Variants in GAK observed in about 807,000 individuals in gnomAD.
GAK encodes the protein cyclin-G-associated kinase.
A neutral mutation model predicts 143.9 loss-of-function variants in GAK; 79 were observed. The ratio of observed to expected loss-of-function variants is 0.55; its 90% CI spans 0.46 to 0.66. GAK has a LOEUF of 0.66. Ranked by LOEUF, GAK falls within the 30% of genes least tolerant of loss-of-function variation. The pLI is 0.00. For synonymous variants in GAK, 881 were observed against 765.5 expected, an observed-to-expected ratio of 1.15 and a Z score of -2.49; for missense variants, 1,693 against 1,779.7, an observed-to-expected ratio of 0.95 and a Z score of 0.88.
intron 1 of GAK, among the ~76,000 whole-genome samples, chr4:919,569 G>T (rs1362182722): frequency 5.3e-5 from 8 of 152,178 alleles, no homozygotes; most frequent in Non-Finnish European, 1.2e-4. Context: ...CACACCACAG[G>T]CCTGGAAGGG....
intron 4 of GAK, among the ~76,000 whole-genome samples, chr4:907,204 C>T (rs1721235579): frequency 6.6e-6 from 1 of 152,190 alleles, no homozygotes; most frequent in Non-Finnish European, 1.5e-5. Context: ...GACCCACCTG[C>T]GTGTCCCCAG....
rs755769932 is a variant in GAK, at chr4:870,927, C to T, written c.2055-23G>A. The stretch of plus-strand genomic sequence containing the variant: ...TACCTGCGGTTACAAGTAGACACCA[C>T]TTAGGAAGGCCACCCAAGTAGTCTG... On this transcript the variant is annotated intron_variant, in intron 18 of 27. Coordinates refer to ENST00000314167, the MANE Select transcript of GAK (RefSeq NM_005255.4). The T allele has an allele frequency of 7.9e-5, 125 of 1,587,688 alleles. 2 individuals are homozygous for T. The South Asian group carries it at 1.3e-3, about 16-fold the overall frequency.
chr4:929,003 C>T (rs1230601984), intron 1 of GAK, among the ~76,000 whole-genome samples: 1 of 152,204 alleles, frequency 6.6e-6, no homozygotes, highest in Non-Finnish European at 1.5e-5. Flanking sequence ...CTCAGGTAAT[C>T]CACCCGCCTC....
At chr4:875,682 G>GA (rs1713701142) in intron 18 of GAK, among the ~76,000 whole-genome samples, 1 of 152,242 alleles carries the variant, frequency 6.6e-6, no homozygotes, top group Non-Finnish European at 1.5e-5. Flanking sequence ...TGATTGAGTA[G>GA]AAAGATCTCC....
chr4:850,851 G>C, intron 26 of GAK, 85 bp downstream of exon 26: 9 of 1,450,144 alleles, frequency 6.2e-6, no homozygotes, highest in Non-Finnish European at 8.4e-6. Context: ...GTCTGGAGAC[G>C]CCGGCTCCAT....
At chr4:929,837 A>C (rs1377236704) in intron 1 of GAK, among the ~76,000 whole-genome samples, 2 of 152,344 alleles carry the variant, frequency 1.3e-5, no homozygotes, top group Non-Finnish European at 1.5e-5. Flanking sequence ...TTGACAGCAA[A>C]TCCTGGTCTA....
At chr4:860,076 G>A (rs190842180) in intron 23 of GAK, among the ~76,000 whole-genome samples, 6 of 152,206 alleles carry the variant, frequency 3.9e-5, no homozygotes, top group African/African-American at 1.4e-4. Flanking sequence ...AATATCCTAA[G>A]TATAAAATCA....
rs552881413 is a variant in GAK at position 849,542 on chromosome 4, G to A, written c.*131C>T. 2.3e-4 allele frequency: 150 copies of A among 646,578 alleles called. No individual in the cohort carries two copies. Among genetic ancestry groups the A allele is most frequent in the Non-Finnish European group, 3.0e-4 (108 of 357,334 alleles). The allele number at this position is 646,578 out of a possible 1,614,324, so 40.1% of individuals were successfully genotyped here. ...CATGTGCCTGGAACGCTGGGCGGGCGGTGACCCGGGGCTCGGAGCCCCACC... is the reference window on the plus strand; with the variant it reads ...CATGTGCCTGGAACGCTGGGCGGGCAGTGACCCGGGGCTCGGAGCCCCACC... On this transcript the variant is annotated 3_prime_UTR_variant, in exon 28 of 28. Coordinates refer to ENST00000314167, the MANE Select transcript of GAK (RefSeq NM_005255.4).
chr4:850,798 G>T (rs375884686), intron 26 of GAK, 138 bp downstream of exon 26: 10 of 939,274 alleles, frequency 1.1e-5, no homozygotes, highest in Middle Eastern at 3.6e-4. Flanking sequence ...GGAGACGCCG[G>T]CTCCATGTGG....
At chr4:883,163 GC>G (rs1186809416) in intron 13 of GAK, 151 bp downstream of exon 13, 5 of 885,594 alleles carry the variant, frequency 5.6e-6, no homozygotes, top group Admixed American at 2.9e-5. Flanking sequence ...ACCCCACCTC[GC>G]CCCCTCCTGT....
chr4:884,200 G>A (rs553332050), intron 11 of GAK, 114 bp from the exon 12 acceptor site: 124 of 855,438 alleles, frequency 1.4e-4, no homozygotes, highest in Non-Finnish European at 2.3e-4. Flanking sequence ...CACTGTAGAG[G>A]CCGCATCCCA....
At chr4:862,268 C>T (rs530854600) in intron 23 of GAK, among the ~76,000 whole-genome samples, 6 of 151,702 alleles carry the variant, frequency 4.0e-5, no homozygotes, top group Admixed American at 6.5e-5. Context: ...AGATATAAGA[C>T]GGCCTAAGTC....
chr4:920,095 A>G (rs542076801), intron 1 of GAK, among the ~76,000 whole-genome samples: 87 of 152,270 alleles, frequency 5.7e-4, no homozygotes, highest in Admixed American at 2.2e-3. Context: ...GCGGATCACA[A>G]GGTGAGATCG....
chr4:900,947 T>C (rs1269858810), intron 5 of GAK, among the ~76,000 whole-genome samples: 1 of 152,090 alleles, frequency 6.6e-6, no homozygotes. Flanking sequence ...TCTATGGCGG[T>C]GCCCACAGGC....
chr4:914,356 AGCGTGCACGGCCCC>A (rs1455218052), intron 1 of GAK, among the ~76,000 whole-genome samples: 2 of 93,314 alleles, frequency 2.1e-5, no homozygotes, highest in South Asian at 8.6e-4. Context: ...ACACAGCCCC[AGCGTGCACGGCCCC>A]CACACACACA....
Position 897,254 on chromosome 4 carries a change from C to T in GAK, c.652-705G>A, listed in dbSNP as rs558635649. On this transcript the variant is annotated intron_variant, in intron 6 of 27. Coordinates refer to ENST00000314167, the MANE Select transcript of GAK (RefSeq NM_005255.4). ...GCTCTGCAGTTATACAGCAGGACAG[C>T]GCACGGCCTTGGGCAGGCCACAATT... Among the ~76,000 whole-genome samples the T allele has an allele frequency of 7.2e-5, 11 of 152,280 alleles. 1 individual carries two copies. In the South Asian group the frequency reaches 1.7e-3, roughly 23 times the overall value.
rs897787474 is a variant in GAK at position 862,432 on chromosome 4, G to A, written c.3166+2690C>T. Among the ~76,000 whole-genome samples, 8 of 152,260 alleles carry A rather than the reference G, an allele frequency of 5.3e-5. No homozygotes were observed. The South Asian group carries it at 6.2e-4, about 12-fold the overall frequency. On this transcript the variant is annotated intron_variant, in intron 23 of 27. Transcript: ENST00000314167. ...TCCCAGCACTTTGGGAGGCTGAGGCGGGCGGATCACGAGGTCAGGAGATCG... is the reference window on the plus strand; with the variant it reads ...TCCCAGCACTTTGGGAGGCTGAGGCAGGCGGATCACGAGGTCAGGAGATCG...
At chr4:881,809 G>T in intron 15 of GAK, 98 bp downstream of exon 15, 1 of 1,375,768 alleles carries the variant, frequency 7.3e-7, no homozygotes, top group Non-Finnish European at 9.7e-7. Flanking sequence ...AGCGCCTGCA[G>T]CGGCACCGAC....
At position 893,873 on chromosome 4, in the gene GAK, C is replaced by T. The variant is rs1363745030; in HGVS notation, c.877+1G>A. 2 of 1,582,222 alleles carry T rather than the reference C, an allele frequency of 1.3e-6. No individual in the cohort carries two copies. The highest frequency in any genetic ancestry group is 8.6e-7 in the Non-Finnish European group (1 of 1,161,524). On this transcript the variant is annotated splice_donor_variant, in intron 8 of 27. Coordinates refer to ENST00000314167, the MANE Select transcript of GAK (RefSeq NM_005255.4). LOFTEE classifies it high-confidence loss of function. ...CACGCACGCATTCCACCGGGACTTA[C>T]GGATGAGGCTGTGGAAGACCGTGTA...
Sources: gnomAD v4.1 joint callset for allele counts (sites outside exome capture counted in the v4.1 genomes callset) on GRCh38, gnomAD v4.1.1 for gene constraint, MANE v1.5 for transcripts, NCBI Gene and HGNC (gene_info 2026-07-23, HGNC 2026-07-21) for gene names.